The following NRG3 variants were observed in gnomAD, a reference collection of about 807,000 sequenced individuals.
NRG3 encodes pro-neuregulin-3, membrane-bound isoform.
A neutral mutation model predicts 66.9 loss-of-function variants in NRG3; 31 were observed. The ratio of observed to expected loss-of-function variants is 0.46; its 90% CI spans 0.35 to 0.63. The LOEUF is 0.63. Ranked by LOEUF, NRG3 falls within the 20% of genes least tolerant of loss-of-function variation. The pLI is 0.00. For synonymous variants in NRG3, 393 were observed against 359.4 expected (o/e 1.09, Z -1.06); for missense variants, 910 against 878.9 (o/e 1.04, Z -0.45).
intron 3 of NRG3, among the ~76,000 whole-genome samples, chr10:82,854,372 G>C (rs1423912031): frequency 6.6e-6 from 1 of 152,280 alleles, no homozygotes; most frequent in South Asian, 2.1e-4. Context: ...AAGATGATGT[G>C]TGTTGTGTAC....
intron 1 of NRG3, among the ~76,000 whole-genome samples, chr10:82,246,073 A>T (rs2077231155): frequency 6.7e-6 from 1 of 149,626 alleles, no homozygotes; most frequent in Admixed American, 6.7e-5. Context: ...TGAGAGCTAG[A>T]GGATAAGATC....
chr10:82,589,744 C>G (rs967828350), intron 2 of NRG3, among the ~76,000 whole-genome samples: 4 of 152,298 alleles, frequency 2.6e-5, no homozygotes, highest in Middle Eastern at 6.8e-3. Flanking sequence ...CTTCTGCACT[C>G]ACACTACCAC....
At chr10:82,134,804 C>T (rs902923184) in intron 1 of NRG3, among the ~76,000 whole-genome samples, 1 of 151,692 alleles carries the variant, frequency 6.6e-6, no homozygotes, top group African/African-American at 2.4e-5. Context: ...AATTTATGTT[C>T]ATCTAAATTT....
intron 1 of NRG3, among the ~76,000 whole-genome samples, chr10:82,291,951 A>G (rs1348482865): frequency 6.6e-6 from 1 of 152,214 alleles, no homozygotes; most frequent in Admixed American, 6.5e-5. Context: ...GACTCAATAC[A>G]TAAAGGGAAA....
intron 2 of NRG3, among the ~76,000 whole-genome samples, chr10:82,495,677 T>G (rs1195164404): frequency 2.0e-5 from 3 of 152,046 alleles, no homozygotes; most frequent in African/African-American, 7.2e-5. Context: ...AAATTACAGT[T>G]AAAAGGTCTT....
chr10:82,333,685 C>T (rs1001963788), intron 1 of NRG3, among the ~76,000 whole-genome samples: 2 of 152,146 alleles, frequency 1.3e-5, no homozygotes, highest in South Asian at 2.1e-4. Context: ...TTCACACTTA[C>T]TGAGAAATCT....
intron 2 of NRG3, among the ~76,000 whole-genome samples, chr10:82,419,065 A>G (rs1364669379): frequency 6.6e-6 from 1 of 152,172 alleles, no homozygotes; most frequent in African/African-American, 2.4e-5. Context: ...CCCTACAGGG[A>G]TAAACCAAGA....
intron 2 of NRG3, among the ~76,000 whole-genome samples, chr10:82,463,226 TG>T (rs1489167822): frequency 6.6e-6 from 1 of 152,228 alleles, no homozygotes; most frequent in Non-Finnish European, 1.5e-5. Flanking sequence ...ATCTTTCACA[TG>T]GCAGATGAAA....
At chr10:82,462,514 G>A (rs1046805878) in intron 2 of NRG3, among the ~76,000 whole-genome samples, 2 of 152,160 alleles carry the variant, frequency 1.3e-5, no homozygotes, top group Non-Finnish European at 2.9e-5. Context: ...ATTTTGGGAT[G>A]TAATTTTTGT....
At chr10:82,806,862 C>G (rs1020723234) in intron 3 of NRG3, among the ~76,000 whole-genome samples, 1 of 152,132 alleles carries the variant, frequency 6.6e-6, no homozygotes, top group Non-Finnish European at 1.5e-5. Context: ...ATCAGATAGG[C>G]ACCATCTGCA....
chr10:81,985,386 T>G (rs537348941), intron 1 of NRG3, among the ~76,000 whole-genome samples: 3 of 152,334 alleles, frequency 2.0e-5, no homozygotes, highest in African/African-American at 7.2e-5. Context: ...AAGCTCATCT[T>G]CAGAGATGTT....
intron 1 of NRG3, among the ~76,000 whole-genome samples, chr10:82,145,447 T>G (rs2070172652): frequency 6.6e-6 from 1 of 152,190 alleles, no homozygotes; most frequent in Non-Finnish European, 1.5e-5. Flanking sequence ...TCAAAGCTCA[T>G]GTGTTCTCAC....
intron 1 of NRG3, among the ~76,000 whole-genome samples, chr10:82,181,285 AGCTTTGGATCCAGTTT>A (rs1276099960): frequency 4.0e-5 from 6 of 151,242 alleles, no homozygotes; most frequent in Non-Finnish European, 7.4e-5. Context: ...CCTTTCTGGT[AGCTTTGGATCCAGTTT>A]GGTCTTTTCC....
chr10:82,107,828 A>G (rs988655104), intron 1 of NRG3, among the ~76,000 whole-genome samples: 5 of 152,270 alleles, frequency 3.3e-5, no homozygotes, highest in Non-Finnish European at 7.3e-5. Flanking sequence ...TTTAAAAAAC[A>G]GAGTAAACAG....
At chr10:82,351,662 T>C (rs1057268546) in intron 1 of NRG3, among the ~76,000 whole-genome samples, 1 of 152,170 alleles carries the variant, frequency 6.6e-6, no homozygotes, top group Non-Finnish European at 1.5e-5. Context: ...TACTCACTGC[T>C]CACGTGTAAG....
chr10:82,778,837 G>T (rs998187712), intron 3 of NRG3, among the ~76,000 whole-genome samples: 2 of 152,122 alleles, frequency 1.3e-5, no homozygotes, highest in Non-Finnish European at 2.9e-5. Flanking sequence ...GTTGCTGGGG[G>T]AGTAGCTGCT....
intron 2 of NRG3, among the ~76,000 whole-genome samples, chr10:82,410,496 C>G (rs2087986314): frequency 6.7e-6 from 1 of 149,204 alleles, no homozygotes; most frequent in Non-Finnish European, 1.5e-5. Flanking sequence ...GTCCAGAATA[C>G]ACAGAAACCA....
intron 2 of NRG3, among the ~76,000 whole-genome samples, chr10:82,734,982 G>T (rs1297662001): frequency 6.7e-6 from 1 of 148,528 alleles, no homozygotes; most frequent in Non-Finnish European, 1.5e-5. Context: ...ATGCCAGCCT[G>T]GACAACAGAG....
At chr10:82,264,273 T>G (rs1333036174) in intron 1 of NRG3, among the ~76,000 whole-genome samples, 1 of 152,148 alleles carries the variant, frequency 6.6e-6, no homozygotes, top group Non-Finnish European at 1.5e-5. Flanking sequence ...AAATTTACAA[T>G]CATGGCCGAA....
Sources: allele counts gnomAD v4.1 joint callset (sites outside exome capture counted in the v4.1 genomes callset), GRCh38; gene constraint gnomAD v4.1.1; transcripts MANE v1.5; gene names NCBI Gene and HGNC (gene_info 2026-07-23, HGNC 2026-07-21).